Variants in ASTN2 observed in about 807,000 individuals in gnomAD.
The protein encoded by ASTN2 is astrotactin-2.
In ASTN2, 54 loss-of-function variants were observed where a neutral mutation model predicts 139.8. That is an observed-to-expected ratio of 0.39 (90% CI 0.31 to 0.48). The LOEUF (loss-of-function observed/expected upper bound fraction) is 0.48, where lower values mean the gene tolerates loss of function less well. Ranked by LOEUF, ASTN2 falls within the 20% of genes least tolerant of loss-of-function variation. ASTN2 has a pLI of 0.95. For synonymous variants in ASTN2, 756 were observed against 719.5 expected, an observed-to-expected ratio of 1.05 and a Z score of -0.81; for missense variants, 1,565 against 1,725.1, an observed-to-expected ratio of 0.91 and a Z score of 1.64.
intron 6 of ASTN2, among the ~76,000 whole-genome samples, chr9:117,021,152 C>T (rs1323081966): frequency 6.6e-6 from 1 of 152,110 alleles, no homozygotes; most frequent in East Asian, 1.9e-4. Flanking sequence ...AAGCAATCCT[C>T]CTGTCTTGGC....
intron 17 of ASTN2, among the ~76,000 whole-genome samples, chr9:116,633,438 T>C (rs538023269): frequency 1.3e-5 from 2 of 152,260 alleles, no homozygotes; most frequent in African/African-American, 4.8e-5. Context: ...AGGGAAACCT[T>C]TAGCTGAGGA....
intron 10 of ASTN2, among the ~76,000 whole-genome samples, chr9:116,955,496 C>T (rs140029305): frequency 2.6e-5 from 4 of 152,306 alleles, no homozygotes; most frequent in African/African-American, 7.2e-5. Flanking sequence ...AAGAGCTAGC[C>T]GATCCTGTTC....
chr9:116,795,525 GCTAGCTGAGCTGTCCA>G (rs1830666847), intron 13 of ASTN2, among the ~76,000 whole-genome samples: 4 of 152,220 alleles, frequency 2.6e-5, no homozygotes, highest in Admixed American at 2.6e-4. Context: ...ATTCCACACT[GCTAGCTGAGCTGTCCA>G]CTTCCCATGA....
At chr9:116,999,117 A>C (rs1837107351) in intron 7 of ASTN2, among the ~76,000 whole-genome samples, 1 of 152,250 alleles carries the variant, frequency 6.6e-6, no homozygotes, top group African/African-American at 2.4e-5. Context: ...TGAAGTTCAT[A>C]TCAATTGTGG....
chr9:117,222,814 AT>A (rs1832570006), intron 2 of ASTN2, among the ~76,000 whole-genome samples: 1 of 152,042 alleles, frequency 6.6e-6, no homozygotes, highest in South Asian at 2.1e-4. Flanking sequence ...CCTACCTTGT[AT>A]TAGAGTTGTT....
intron 13 of ASTN2, among the ~76,000 whole-genome samples, chr9:116,735,580 C>T (rs927216611): frequency 2.0e-5 from 3 of 152,176 alleles, no homozygotes; most frequent in African/African-American, 4.8e-5. Flanking sequence ...TGATGTTTCC[C>T]CTTGTCCTCT....
At chr9:117,225,929 G>A (rs904075505) in intron 2 of ASTN2, among the ~76,000 whole-genome samples, 7 of 151,992 alleles carry the variant, frequency 4.6e-5, no homozygotes, top group Admixed American at 1.3e-4. Flanking sequence ...CTTCTGCCTC[G>A]ATTTAGAAAT....
chr9:116,830,507 T>G (rs1037206339), intron 11 of ASTN2, among the ~76,000 whole-genome samples: 1 of 151,992 alleles, frequency 6.6e-6, no homozygotes. Flanking sequence ...ATTAATTACA[T>G]TAGGTCGGTC....
intron 4 of ASTN2, among the ~76,000 whole-genome samples, chr9:117,134,295 TACACAC>T (rs3041140): frequency 0.035 from 2,617 of 74,986 alleles, 62 homozygotes; most frequent in African/African-American, 0.059. Flanking sequence ...TATATATATA[TACACAC>T]ACACACACAC....
Position 117,141,377 on chromosome 9 carries a change from G to T in ASTN2, c.1117C>A (p.Pro373Thr). 7.3e-7 allele frequency: 1 copy of T among 1,367,534 alleles called. No homozygotes were observed. Among genetic ancestry groups the T allele is most frequent in the Non-Finnish European group, 9.8e-7 (1 of 1,021,834 alleles). 84.7% of individuals were successfully genotyped at this position (1,367,534 alleles called of 1,614,324 possible). A position where few individuals can be genotyped will look rare whatever the true frequency, so the allele number is the denominator to read the frequency against. ...TPIEIGQLQP[P>T]LRSTSAGKRK... ...TTCCCTGCCGATGTGCTGCGCAGGGGTGGTTGCAGCTGACCGATCTCGATG... is the reference window on the plus strand; with the variant it reads ...TTCCCTGCCGATGTGCTGCGCAGGGTTGGTTGCAGCTGACCGATCTCGATG... The change falls in exon 4 of 23, where the codon CCC becomes ACC. Residue 373 changes from proline to threonine, a missense_variant. Pro to Thr is a conservative substitution (Grantham distance 38, BLOSUM62 -1). Around this residue, in one of 4 missense-constraint regions of ASTN2, gnomAD observed 596 missense variants for 576.8 expected, o/e 1.03. Coordinates refer to ENST00000313400, the MANE Select transcript of ASTN2 (RefSeq NM_001365068.1).
At chr9:116,680,415 A>T (rs560396705) in intron 16 of ASTN2, among the ~76,000 whole-genome samples, 1 of 152,314 alleles carries the variant, frequency 6.6e-6, no homozygotes, top group East Asian at 1.9e-4. Context: ...CCAGGACCAG[A>T]TGGATTCACA....
rs773368847 is a variant in ASTN2 at position 117,414,651 on chromosome 9, G to A, written c.288C>T (p.Ala96=). ...ARAGAGAGTG[A]GAAAAAASPG... is the part of the protein sequence containing the mutation. ...GGGACGCGGCGGCGGCGGCGGCTCCGGCCCCGGTCCCAGCCCCGGCCCCGG... is the reference window on the plus strand; with the variant it reads ...GGGACGCGGCGGCGGCGGCGGCTCCAGCCCCGGTCCCAGCCCCGGCCCCGG... Residue 96 remains alanine, a synonymous_variant, in exon 1 of 23, where the codon GCC becomes GCT. Transcript: ENST00000313400. This position sits in a 1 kb window ranked among gnomAD's most constrained non-coding sequence, Gnocchi z 4.2. 25 of 1,361,262 alleles carry A rather than the reference G, an allele frequency of 1.8e-5. No homozygotes were observed. The highest frequency in any genetic ancestry group is 2.8e-4 in the Middle Eastern group (1 of 3,616). 84.3% of individuals were successfully genotyped at this position (1,361,262 alleles called of 1,614,324 possible). A position where few individuals can be genotyped will look rare whatever the true frequency, so the allele number is the denominator to read the frequency against.
At chr9:116,935,404 G>A (rs1284889222) in intron 10 of ASTN2, among the ~76,000 whole-genome samples, 1 of 152,198 alleles carries the variant, frequency 6.6e-6, no homozygotes, top group East Asian at 1.9e-4. Flanking sequence ...TACGTTATGG[G>A]AAGGTTGTGA....
At chr9:116,680,878 A>G (rs1205733036) in intron 16 of ASTN2, among the ~76,000 whole-genome samples, 1 of 152,242 alleles carries the variant, frequency 6.6e-6, no homozygotes, top group Admixed American at 6.5e-5. Context: ...GTATTTGAAA[A>G]TAACAAGAGC....
chr9:117,393,153 G>T (rs978873906), intron 1 of ASTN2, among the ~76,000 whole-genome samples: 1 of 152,216 alleles, frequency 6.6e-6, no homozygotes, highest in Admixed American at 6.5e-5. Context: ...TCTCTCCTTA[G>T]CTGCAAATAC....
intron 11 of ASTN2, among the ~76,000 whole-genome samples, chr9:116,842,729 G>A (rs551205986): frequency 5.3e-4 from 79 of 148,938 alleles, no homozygotes; most frequent in Non-Finnish European, 8.7e-4. Context: ...GGAGGGAAGC[G>A]GCGAGGGTGG....
intron 1 of ASTN2, among the ~76,000 whole-genome samples, chr9:117,302,225 A>G (rs566900654): frequency 6.6e-6 from 1 of 152,268 alleles, no homozygotes; most frequent in South Asian, 2.1e-4. Flanking sequence ...TAAACCTTTT[A>G]AAGTTATCCC....
At chr9:116,969,334 G>T (rs1363385578) in intron 10 of ASTN2, among the ~76,000 whole-genome samples, 4 of 152,154 alleles carry the variant, frequency 2.6e-5, no homozygotes, top group African/African-American at 9.7e-5. Flanking sequence ...GTTTCCTCAT[G>T]CATTAAATGG....
chr9:116,425,035 T>A lies in ASTN2; in HGVS notation c.*816A>T, dbSNP rs1319478464. On this transcript the variant is annotated 3_prime_UTR_variant, in exon 23 of 23. Coordinates refer to ENST00000313400, the MANE Select transcript of ASTN2 (RefSeq NM_001365068.1). Reference sequence around the variant, plus strand: ...GAGTGCAAAGAACCTCCATTCTTCCTCTAGCACAGCTTGAAATGACCAGAC... The same window carrying A: ...GAGTGCAAAGAACCTCCATTCTTCCACTAGCACAGCTTGAAATGACCAGAC... Among the ~76,000 whole-genome samples the A allele has an allele frequency of 6.6e-6, 1 of 152,184 alleles. No homozygotes were observed. Among genetic ancestry groups the A allele is most frequent in the Non-Finnish European group, 1.5e-5 (1 of 68,026 alleles).
Sources: allele counts gnomAD v4.1 joint callset (sites outside exome capture counted in the v4.1 genomes callset), GRCh38; gene constraint gnomAD v4.1.1; regional missense constraint gnomAD v4.1.1; non-coding constraint Gnocchi (gnomAD v3.1); transcripts MANE v1.5; gene names NCBI Gene and HGNC (gene_info 2026-07-23, HGNC 2026-07-21).